HECW1: variants seen among roughly 807,000 people sequenced by gnomAD.
The protein encoded by HECW1 is HECT, C2 and WW domain containing E3 ubiquitin protein ligase 1.
HECW1 carries 61 observed loss-of-function variants against 182.3 expected under a neutral mutation model. The ratio of observed to expected loss-of-function variants is 0.33; its 90% CI spans 0.27 to 0.41. The LOEUF is 0.41. Ranked by LOEUF, HECW1 falls within the 10% of genes least tolerant of loss-of-function variation. The pLI is 1.00. For synonymous variants in HECW1, 859 were observed against 832.6 expected (o/e 1.03, Z -0.55); for missense variants, 1,739 against 2,108.9 (o/e 0.82, Z 3.44).
At chr7:43,417,998 A>G (rs780795376) in intron 8 of HECW1, among the ~76,000 whole-genome samples, 1 of 152,202 alleles carries the variant, frequency 6.6e-6, no homozygotes, top group Non-Finnish European at 1.5e-5. Context: ...AGGTGTGGGC[A>G]GAGTTGTTTC....
chr7:43,420,656 C>G (rs2076151660), intron 8 of HECW1, among the ~76,000 whole-genome samples: 1 of 152,116 alleles, frequency 6.6e-6, no homozygotes, highest in African/African-American at 2.4e-5. Flanking sequence ...TAAAATAAAT[C>G]ATATTTCTAT....
chr7:43,177,852 A>G (rs538304620), intron 2 of HECW1, among the ~76,000 whole-genome samples: 1 of 152,262 alleles, frequency 6.6e-6, no homozygotes, highest in East Asian at 1.9e-4. Context: ...AAGTCTTCTC[A>G]GTTCTTCCCT....
At chr7:43,137,227 C>A (rs907683628) in intron 2 of HECW1, among the ~76,000 whole-genome samples, 12 of 152,192 alleles carry the variant, frequency 7.9e-5, no homozygotes, top group African/African-American at 2.9e-4. Context: ...CCTCTCCCCT[C>A]CCTCCCAGCA....
intron 3 of HECW1, chr7:43,249,005 T>G (rs905652332): frequency 2.0e-5 from 3 of 152,348 alleles, no homozygotes; most frequent in African/African-American, 7.2e-5. Flanking sequence ...AGCACTGCCC[T>G]GGGTGAGCTG....
At chr7:43,556,533 A>T (rs1017792895) in intron 29 of HECW1, among the ~76,000 whole-genome samples, 4 of 152,218 alleles carry the variant, frequency 2.6e-5, no homozygotes, top group Non-Finnish European at 4.4e-5. Flanking sequence ...CAAAAAATTT[A>T]AAAAATTAGC....
chr7:43,214,129 T>C lies in HECW1; in HGVS notation c.-31-29746T>C, dbSNP rs573769792. Among the ~76,000 whole-genome samples, 3 of 152,122 alleles carry C rather than the reference T, an allele frequency of 2.0e-5. No homozygotes were observed. In the South Asian group the frequency reaches 6.2e-4, roughly 32 times the overall value. On this transcript the variant is annotated intron_variant, in intron 2 of 29. Coordinates refer to ENST00000395891, the MANE Select transcript of HECW1 (RefSeq NM_015052.5). ...TTCTTTTCTAATTGAAATACACATATGTATTTCTATAGTTTTTCTAGTTTT... is the reference window on the plus strand; with the variant it reads ...TTCTTTTCTAATTGAAATACACATACGTATTTCTATAGTTTTTCTAGTTTT...
intron 29 of HECW1, among the ~76,000 whole-genome samples, chr7:43,556,456 G>A (rs894934789): frequency 2.6e-5 from 4 of 152,190 alleles, no homozygotes; most frequent in African/African-American, 7.2e-5. Context: ...GGAGGCTAAG[G>A]CAGGCGGATA....
chr7:43,296,790 T>C (rs1806110768), intron 3 of HECW1, among the ~76,000 whole-genome samples: 1 of 152,224 alleles, frequency 6.6e-6, no homozygotes, highest in Non-Finnish European at 1.5e-5. Context: ...CAGGGTGCAC[T>C]TTGCGGCCTC....
intron 2 of HECW1, among the ~76,000 whole-genome samples, chr7:43,124,143 C>G (rs531490654): frequency 6.6e-6 from 1 of 152,214 alleles, no homozygotes; most frequent in African/African-American, 2.4e-5. Flanking sequence ...ACGATGTAAT[C>G]GACGCACTAT....
At position 43,280,795 on chromosome 7, in the gene HECW1, G is replaced by A. The variant is rs142713951; in HGVS notation, c.28-30968G>A. Reference sequence around the variant, plus strand: ...AACACTTTGAGACACTTGAAGAAAAGAACCCCAGCCAACTATATCCTCAGG... The same window carrying A: ...AACACTTTGAGACACTTGAAGAAAAAAACCCCAGCCAACTATATCCTCAGG... On this transcript the variant is annotated intron_variant, in intron 3 of 29. Coordinates refer to ENST00000395891, the MANE Select transcript of HECW1 (RefSeq NM_015052.5). 1.1e-4 allele frequency among the ~76,000 whole-genome samples: 17 copies of A among 152,204 alleles called. No homozygotes were observed. In the Middle Eastern group the frequency reaches 0.01, roughly 91 times the overall value.
chr7:43,481,988 A>G (rs913192958), intron 17 of HECW1, among the ~76,000 whole-genome samples: 1 of 151,858 alleles, frequency 6.6e-6, no homozygotes, highest in African/African-American at 2.4e-5. Flanking sequence ...AAAAAAAAAA[A>G]AAAAAGAACT....
At chr7:43,544,346 A>G (rs1215892285) in intron 26 of HECW1, among the ~76,000 whole-genome samples, 2 of 152,258 alleles carry the variant, frequency 1.3e-5, no homozygotes, top group East Asian at 1.9e-4. Flanking sequence ...AAGAATATAG[A>G]TAGTTCCCAG....
At position 43,444,150 on chromosome 7, in the gene HECW1, C is replaced by G. The variant is rs1050581216; in HGVS notation, c.1046-68C>G. On this transcript the variant is annotated intron_variant, in intron 10 of 29. Coordinates refer to ENST00000395891, the MANE Select transcript of HECW1 (RefSeq NM_015052.5). The surrounding 1 kb of genome is among the most constrained non-coding windows in gnomAD (Gnocchi z 4.3). ...TCCCTTAGTGATGGCTTACATGTCC[C>G]ACAGGGTATCCTAACACCACAATGC... 3 of 1,468,124 alleles carry G rather than the reference C, an allele frequency of 2.0e-6. No individual in the cohort carries two copies. Among genetic ancestry groups the G allele is most frequent in the Non-Finnish European group, 2.8e-6 (3 of 1,084,094 alleles). 90.9% of individuals were successfully genotyped at this position (1,468,124 alleles called of 1,614,324 possible). A position where few individuals can be genotyped will look rare whatever the true frequency, so the allele number is the denominator to read the frequency against.
intron 3 of HECW1, among the ~76,000 whole-genome samples, chr7:43,286,269 A>G (rs1297734592): frequency 1.3e-5 from 2 of 152,220 alleles, no homozygotes; most frequent in Non-Finnish European, 2.9e-5. Context: ...AGATCCAACT[A>G]TTGGGACCAC....
chr7:43,141,958 G>C (rs1017252457), intron 2 of HECW1, among the ~76,000 whole-genome samples: 2 of 152,214 alleles, frequency 1.3e-5, no homozygotes, highest in Non-Finnish European at 2.9e-5. Context: ...TTTAGGCTTT[G>C]AGAGTTTGGG....
intron 8 of HECW1, among the ~76,000 whole-genome samples, chr7:43,410,317 C>T (rs1361359832): frequency 6.6e-6 from 1 of 152,154 alleles, no homozygotes. Context: ...TGCCTTCTTG[C>T]TCCATCCACA....
intron 22 of HECW1, among the ~76,000 whole-genome samples, 165 bp from the exon 23 acceptor site, chr7:43,507,853 T>C (rs536847871): frequency 1.3e-5 from 2 of 152,318 alleles, no homozygotes; most frequent in African/African-American, 4.8e-5. Flanking sequence ...GAAAAGTGTG[T>C]TCAGATAATC....
chr7:43,229,645 T>A (rs1428950555), intron 2 of HECW1, among the ~76,000 whole-genome samples: 1 of 147,018 alleles, frequency 6.8e-6, no homozygotes, highest in East Asian at 2.0e-4. Flanking sequence ...AAAAAAAAAA[T>A]TAATGGGCTA....
intron 2 of HECW1, among the ~76,000 whole-genome samples, chr7:43,148,249 C>A (rs1052749834): frequency 6.6e-6 from 1 of 152,080 alleles, no homozygotes; most frequent in East Asian, 1.9e-4. Context: ...CAAGGTTGTC[C>A]CATTCTGTGT....
Sources: allele counts gnomAD v4.1 joint callset (sites outside exome capture counted in the v4.1 genomes callset), GRCh38; gene constraint gnomAD v4.1.1; non-coding constraint Gnocchi (gnomAD v3.1); transcripts MANE v1.5; gene names NCBI Gene and HGNC (gene_info 2026-07-23, HGNC 2026-07-21).